Variants in LMF1 observed in about 807,000 individuals in gnomAD.
The protein encoded by LMF1 is transmembrane protein 112.
LMF1 carries 68 observed loss-of-function variants against 60.6 expected under a neutral mutation model. The ratio of observed to expected loss-of-function variants is 1.12; its 90% confidence interval spans 0.92 to 1.37. LMF1 has a LOEUF of 1.37. Among genes scored for constraint, LMF1 ranks in the 40% most tolerant of loss-of-function variants. LMF1 has a pLI of 0.00. For missense variants in LMF1, 948 were observed against 767.2 expected (o/e 1.24, Z -2.78); for synonymous variants, 418 against 324.7 (o/e 1.29, Z -3.09).
intron 3 of LMF1, among the ~76,000 whole-genome samples, chr16:917,397 G>A (rs950141082): frequency 7.4e-6 from 1 of 135,108 alleles, no homozygotes; most frequent in Admixed American, 7.2e-5. Context: ...GCGGGCGGGC[G>A]CAGGCCCACG....
intron 3 of LMF1, among the ~76,000 whole-genome samples, chr16:922,794 G>A (rs1485481850): frequency 2.7e-3 from 296 of 109,942 alleles, no homozygotes; most frequent in Non-Finnish European, 3.6e-3. Flanking sequence ...CTGGGTTTTC[G>A]GGTGTGATGT....
Position 964,204 on chromosome 16 carries a change from G to C in LMF1, c.193+6584C>G, listed in dbSNP as rs1030029453. 6.7e-6 allele frequency: 3 copies of C among 446,200 alleles called. No homozygotes were observed. The East Asian group carries it at 2.1e-4, about 31-fold the overall frequency. 27.6% of individuals were successfully genotyped at this position (446,200 alleles called of 1,614,324 possible). A position where few individuals can be genotyped will look rare whatever the true frequency, so the allele number is the denominator to read the frequency against. Reference sequence around the variant, plus strand: ...CCAGCTACTCGGGAGGCTGAGGCAGGAGAATCTCTTGAAATCGGAAGGCGG... The same window carrying C: ...CCAGCTACTCGGGAGGCTGAGGCAGCAGAATCTCTTGAAATCGGAAGGCGG... On this transcript the variant is annotated intron_variant, in intron 1 of 10. Coordinates refer to ENST00000262301, the MANE Select transcript of LMF1 (RefSeq NM_022773.4).
At chr16:918,443 G>T (rs574149242) in intron 3 of LMF1, among the ~76,000 whole-genome samples, 1 of 152,352 alleles carries the variant, frequency 6.6e-6, no homozygotes, top group East Asian at 1.9e-4. Context: ...ACGGAAATTA[G>T]ACTTCGCGGC....
chr16:948,812 G>A (rs547392113), intron 2 of LMF1, among the ~76,000 whole-genome samples: 2 of 134,926 alleles, frequency 1.5e-5, no homozygotes, highest in South Asian at 2.6e-4. Context: ...GTCAGCCAAC[G>A]ACAGAGTCAG....
chr16:859,293 G>GC (rs1204357484), intron 10 of LMF1, among the ~76,000 whole-genome samples: 16 of 77,942 alleles, frequency 2.1e-4, no homozygotes, highest in East Asian at 3.6e-4. Context: ...GGACGGGTGT[G>GC]AGTGGTGTCT....
At position 954,784 on chromosome 16, in the gene LMF1, CG is replaced by C. The variant is rs2072630227; in HGVS notation, c.194-119del. 8.8e-6 allele frequency: 8 copies of C among 910,830 alleles called. 1 individual carries two copies. The East Asian group carries it at 2.1e-4, about 24-fold the overall frequency. The allele number at this position is 910,830 out of a possible 1,614,324, so 56.4% of individuals were successfully genotyped here. ...GGAAGGGGAGGCAGAGTCTGGCTGA[CG>C]GTTTGGGGCCAAACCCTAGACTCAG... is the stretch of plus-strand genomic sequence containing the variant. On this transcript the variant is annotated intron_variant, in intron 1 of 10. Coordinates refer to ENST00000262301, the MANE Select transcript of LMF1 (RefSeq NM_022773.4).
intron 10 of LMF1, among the ~76,000 whole-genome samples, chr16:862,175 T>C (rs1043260549): frequency 1.4e-5 from 2 of 146,760 alleles, no homozygotes; most frequent in African/African-American, 2.7e-5. Context: ...TTCTATTTAG[T>C]AATTTTTTTT....
At chr16:926,400 G>A (rs143215362) in intron 3 of LMF1, among the ~76,000 whole-genome samples, 92 of 152,166 alleles carry the variant, frequency 6.0e-4, no homozygotes, top group Admixed American at 3.2e-3. Flanking sequence ...TGTAGTTTGC[G>A]TATGATCTGC....
intron 2 of LMF1, among the ~76,000 whole-genome samples, chr16:939,083 G>A (rs938709620): frequency 6.6e-6 from 1 of 152,160 alleles, no homozygotes; most frequent in African/African-American, 2.4e-5. Context: ...TCACACCAAA[G>A]GGGAACGGCA....
At chr16:863,721 C>T (rs28635478) in intron 10 of LMF1, among the ~76,000 whole-genome samples, 7,411 of 152,274 alleles carry the variant, frequency 0.049, 519 homozygotes, top group African/African-American at 0.16. Context: ...CTGGCGTTAA[C>T]GTCCTGGGTT....
chr16:871,445 C>G, intron 6 of LMF1, 104 bp from the exon 7 acceptor site: 1 of 1,145,564 alleles, frequency 8.7e-7, no homozygotes, highest in Non-Finnish European at 1.2e-6. Flanking sequence ...GAACCTGCAC[C>G]CAGCTCTGCC....
At chr16:936,594 G>A (rs1313603905) in intron 2 of LMF1, among the ~76,000 whole-genome samples, 2 of 151,970 alleles carry the variant, frequency 1.3e-5, no homozygotes, top group Non-Finnish European at 2.9e-5. Context: ...CCCGTGGGCT[G>A]AGGAAGGAGG....
At chr16:910,399 G>A (rs909358171) in intron 4 of LMF1, among the ~76,000 whole-genome samples, 15 of 152,282 alleles carry the variant, frequency 9.9e-5, no homozygotes, top group African/African-American at 3.4e-4. Flanking sequence ...CCTGAGAGAC[G>A]TCAAAGCCAA....
chr16:934,932 C>A (rs1034995831), intron 2 of LMF1, among the ~76,000 whole-genome samples: 3 of 152,222 alleles, frequency 2.0e-5, no homozygotes, highest in African/African-American at 7.2e-5. Flanking sequence ...TATGGTCCCG[C>A]AAGAGGCGGG....
chr16:854,300 C>A lies in LMF1; in HGVS notation c.*232G>T, dbSNP rs577663111. The A allele has an allele frequency of 1.3e-5, 9 of 685,982 alleles. No homozygotes were observed. Among genetic ancestry groups the A allele is most frequent in the Middle Eastern group, 3.7e-4 (1 of 2,692 alleles). The allele number at this position is 685,982 out of a possible 1,614,324, so 42.5% of individuals were successfully genotyped here. A position where few individuals can be genotyped will look rare whatever the true frequency, so the allele number is the denominator to read the frequency against. On this transcript the variant is annotated 3_prime_UTR_variant, in exon 11 of 11. Transcript: ENST00000262301. The stretch of plus-strand genomic sequence containing the variant: ...ATGGATGGGAGATCAGAGCCCCTGG[C>A]GCCTGGGACAAGGGTTGGCCTGGAT...
At chr16:863,965 C>T (rs1336696595) in intron 10 of LMF1, among the ~76,000 whole-genome samples, 1 of 152,112 alleles carries the variant, frequency 6.6e-6, no homozygotes, top group Non-Finnish European at 1.5e-5. Context: ...ATCATTAGGC[C>T]CTGCCTGTCG....
At chr16:914,802 C>A (rs2071234730) in intron 3 of LMF1, among the ~76,000 whole-genome samples, 1 of 152,252 alleles carries the variant, frequency 6.6e-6, no homozygotes, top group Admixed American at 6.5e-5. Context: ...TGACACACTC[C>A]CTCCCTCCCT....
At chr16:935,897 C>T (rs189116383) in intron 2 of LMF1, among the ~76,000 whole-genome samples, 94 of 151,052 alleles carry the variant, frequency 6.2e-4, no homozygotes, top group African/African-American at 2.0e-3. Flanking sequence ...ACATCTGAGC[C>T]GTGGGGGAGG....
intron 10 of LMF1, among the ~76,000 whole-genome samples, chr16:866,515 G>A (rs983322896): frequency 4.6e-5 from 7 of 152,172 alleles, no homozygotes; most frequent in African/African-American, 7.2e-5. Context: ...GGGGAGTCCA[G>A]GCTCCTCGTG....
Sources: gnomAD v4.1 joint callset for allele counts (sites outside exome capture counted in the v4.1 genomes callset) on GRCh38, gnomAD v4.1.1 for gene constraint, MANE v1.5 for transcripts, NCBI Gene and HGNC (gene_info 2026-07-23, HGNC 2026-07-21) for gene names.